TRUB1: variants seen among roughly 807,000 people sequenced by gnomAD.
The protein encoded by TRUB1 is pseudouridylate synthase TRUB1.
Under a neutral mutation model 33.9 loss-of-function variants are expected in TRUB1, and 23 were observed. That is an observed-to-expected ratio of 0.68 (90% CI 0.49 to 0.96). The LOEUF is 0.96. Ranked by LOEUF, TRUB1 falls within the 40% of genes least tolerant of loss-of-function variation. The probability of loss-of-function intolerance (pLI) is 0.00; values close to 1 mark genes in which losing one functional copy is unlikely to be tolerated. For synonymous variants in TRUB1, 163 were observed against 165.4 expected (o/e 0.99, Z 0.11); for missense variants, 378 against 422.2 (o/e 0.90, Z 0.92).
At chr10:114,950,072 ATTTTTAGTAGAGACGGGG>A (rs1326023008) in intron 2 of TRUB1, among the ~76,000 whole-genome samples, 1 of 151,642 alleles carries the variant, frequency 6.6e-6, no homozygotes, top group African/African-American at 2.4e-5. Context: ...CTAATTTTGT[ATTTTTAGTAGAGACGGGG>A]TTTCTCCATG....
intron 4 of TRUB1, 79 bp downstream of exon 4, chr10:114,959,886 C>A: frequency 6.2e-6 from 5 of 811,294 alleles, no homozygotes; most frequent in Non-Finnish European, 8.1e-6. Flanking sequence ...TAAAACAAAT[C>A]TCTGATATTA....
rs146000770 is a variant in TRUB1, at chr10:114,967,122, T to C, written c.524-3246T>C. Among the ~76,000 whole-genome samples the C allele has an allele frequency of 2.5e-3, 382 of 152,278 alleles. 1 individual carries two copies. Among genetic ancestry groups the C allele is most frequent in the African/African-American group, 8.8e-3 (367 of 41,520 alleles). On this transcript the variant is annotated intron_variant, in intron 4 of 7. Coordinates refer to ENST00000298746, the MANE Select transcript of TRUB1 (RefSeq NM_139169.5). The stretch of plus-strand genomic sequence containing the variant: ...GGGTGCCTTCATAGACATTTCTTTG[T>C]CTGTGTATTTTCCTCAAATTCCAGC...
chr10:114,940,103 ATTGC>A (rs2084179654), intron 1 of TRUB1, among the ~76,000 whole-genome samples: 1 of 151,990 alleles, frequency 6.6e-6, no homozygotes, highest in Non-Finnish European at 1.5e-5. Context: ...GGCTGTCAGA[ATTGC>A]TTGGGAAGTT....
intron 4 of TRUB1, among the ~76,000 whole-genome samples, chr10:114,966,545 G>A (rs1329594504): frequency 6.6e-6 from 1 of 152,178 alleles, no homozygotes; most frequent in Non-Finnish European, 1.5e-5. Context: ...GGCAGTTTGA[G>A]ATTGTTTTGA....
intron 3 of TRUB1, among the ~76,000 whole-genome samples, chr10:114,958,021 T>TTATC (rs1448417915): frequency 1.3e-5 from 2 of 152,220 alleles, no homozygotes; most frequent in South Asian, 4.1e-4. Context: ...GGGCTAGATA[T>TTATC]TGTTACTCTA....
intron 2 of TRUB1, among the ~76,000 whole-genome samples, chr10:114,946,249 T>G (rs2084210719): frequency 6.6e-6 from 1 of 152,188 alleles, no homozygotes; most frequent in Non-Finnish European, 1.5e-5. Flanking sequence ...CAAAACTAAG[T>G]CAAAAGGTTT....
chr10:114,969,622 T>A (rs2084326156), intron 4 of TRUB1: 1 of 151,766 alleles, frequency 6.6e-6, no homozygotes, highest in Non-Finnish European at 1.5e-5. Context: ...TTCATTCATA[T>A]TTTCTAAAAT....
At chr10:114,948,176 G>A (rs1420089029) in intron 2 of TRUB1, among the ~76,000 whole-genome samples, 1 of 152,130 alleles carries the variant, frequency 6.6e-6, no homozygotes, top group African/African-American at 2.4e-5. Context: ...AACAGTGCAT[G>A]GAAAACCCCG....
chr10:114,938,576 C>T, intron 1 of TRUB1, 37 bp downstream of exon 1: 2 of 1,496,718 alleles, frequency 1.3e-6, no homozygotes, highest in Non-Finnish European at 1.8e-6. Flanking sequence ...CTGAGGCGGT[C>T]GCTGCGAGAG....
intron 4 of TRUB1, among the ~76,000 whole-genome samples, chr10:114,967,233 C>T (rs1488197038): frequency 6.6e-6 from 1 of 152,172 alleles, no homozygotes; most frequent in East Asian, 1.9e-4. Context: ...GTTAAGAAAG[C>T]ACCTCCAGAC....
At chr10:114,947,345 CA>C (rs34838978) in intron 2 of TRUB1, among the ~76,000 whole-genome samples, 47,082 of 151,976 alleles carry the variant, frequency 0.31, 8,179 homozygotes, top group Middle Eastern at 0.41. Context: ...TGTTTTAAGA[CA>C]GATTGGTAAT....
intron 4 of TRUB1, among the ~76,000 whole-genome samples, chr10:114,960,831 G>A (rs2084281966): frequency 6.6e-6 from 1 of 151,920 alleles, no homozygotes; most frequent in South Asian, 2.1e-4. Context: ...GGAGGCATAG[G>A]GCAATAGGAG....
chr10:114,975,327 A>G lies in TRUB1; in HGVS notation c.998A>G (p.Tyr333Cys), dbSNP rs1284623105. 2.5e-6 allele frequency: 4 copies of G among 1,610,948 alleles called. No homozygotes were observed. Among genetic ancestry groups the G allele is most frequent in the Non-Finnish European group, 1.7e-6 (2 of 1,178,308 alleles). Residue 333 changes from tyrosine (Y) to cysteine (C), a missense_variant, in exon 8 of 8, where the codon TAT becomes TGT. Transcript: ENST00000298746. ...ESNEQVLSCEYITLNEPKRED... is the reference protein window; with the variant it reads ...ESNEQVLSCECITLNEPKRED... Reference sequence around the variant, plus strand: ...AATGAACAGGTTTTGAGCTGTGAATATATAACTCTAAATGAGCCAAAGAGA... The same window carrying G: ...AATGAACAGGTTTTGAGCTGTGAATGTATAACTCTAAATGAGCCAAAGAGA...
At chr10:114,952,473 G>GTAGGTAGA (rs770628031) in intron 3 of TRUB1, among the ~76,000 whole-genome samples, 3 of 94,128 alleles carry the variant, frequency 3.2e-5, no homozygotes, top group Admixed American at 2.0e-4. Flanking sequence ...AGGTAGGTAG[G>GTAGGTAGA]TAGGTAGATA....
At position 114,938,270 on chromosome 10, in the gene TRUB1, C is replaced by T. The variant is rs138212899; in HGVS notation, c.17C>T (p.Ala6Val). The T allele has an allele frequency of 9.3e-6, 15 of 1,614,000 alleles. No homozygotes were observed. The highest frequency in any genetic ancestry group is 1.7e-5 in the Admixed American group (1 of 60,006). Residue 6 changes from alanine to valine, a missense_variant, in exon 1 of 8, where the codon GCG becomes GTG. Coordinates refer to ENST00000298746, the MANE Select transcript of TRUB1 (RefSeq NM_139169.5). MAASE[A>V]AVVSSPSLKT... Reference sequence around the variant, plus strand: ...TACAAAAGTATGGCCGCTTCTGAGGCGGCGGTGGTGTCTTCGCCGTCTTTG... The same window carrying T: ...TACAAAAGTATGGCCGCTTCTGAGGTGGCGGTGGTGTCTTCGCCGTCTTTG...
chr10:114,953,987 A>G (rs577410365), intron 3 of TRUB1, among the ~76,000 whole-genome samples: 27 of 152,084 alleles, frequency 1.8e-4, no homozygotes, highest in African/African-American at 5.5e-4. Context: ...TGAGATTTGG[A>G]GGGGGCAGAC....
chr10:114,970,435 C>A lies in TRUB1; in HGVS notation c.591C>A (p.Pro197=), dbSNP rs373067863. The change falls in exon 5 of 8, where the codon CCC becomes CCA. Residue 197 remains proline (P), a synonymous_variant. Transcript: ENST00000298746. Reference sequence around the variant, plus strand: ...TTACTGGAAATATAATGCAAGTGCCCCCCCTGTAAGTTCAATTAGTAAATT... The same window carrying A: ...TTACTGGAAATATAATGCAAGTGCCACCCCTGTAAGTTCAATTAGTAAATT... ...QKFTGNIMQV[P]PLYSALKKDG... The A allele has an allele frequency of 2.5e-5, 40 of 1,606,472 alleles. No individual in the cohort carries two copies. Among genetic ancestry groups the A allele is most frequent in the African/African-American group, 1.7e-4 (13 of 74,680 alleles).
chr10:114,948,111 C>G (rs940768609), intron 2 of TRUB1, among the ~76,000 whole-genome samples: 13 of 152,114 alleles, frequency 8.5e-5, no homozygotes, highest in Admixed American at 7.2e-4. Context: ...ACGGAAAAGA[C>G]ATTTGAGTGA....
chr10:114,947,181 A>C (rs1005539650), intron 2 of TRUB1, among the ~76,000 whole-genome samples: 3 of 141,990 alleles, frequency 2.1e-5, no homozygotes, highest in East Asian at 2.0e-4. Flanking sequence ...TGGAGGAGGC[A>C]AAAAAAAAAA....
Sources: gnomAD v4.1 joint callset for allele counts (sites outside exome capture counted in the v4.1 genomes callset) on GRCh38, gnomAD v4.1.1 for gene constraint, MANE v1.5 for transcripts, NCBI Gene and HGNC (gene_info 2026-07-23, HGNC 2026-07-21) for gene names.